The following COL24A1 variants were observed in gnomAD, a reference collection of about 807,000 sequenced individuals.
COL24A1 encodes the protein collagen alpha-1(XXIV) chain.
In COL24A1, 224 loss-of-function variants were observed where a neutral mutation model predicts 253.9. The ratio of observed to expected loss-of-function variants is 0.88; its 90% CI spans 0.79 to 0.99. The LOEUF (loss-of-function observed/expected upper bound fraction) is 0.99, where lower values mean the gene tolerates loss of function less well. Among genes scored for constraint, COL24A1 ranks in the 50% least tolerant of loss-of-function variants. The pLI, the probability that COL24A1 is intolerant of heterozygous loss-of-function variation, is 0.00. For missense variants in COL24A1, 2,131 were observed against 2,068.5 expected, an observed-to-expected ratio of 1.03 and a Z score of -0.59; for synonymous variants, 685 against 673.7, an observed-to-expected ratio of 1.02 and a Z score of -0.26.
intron 43 of COL24A1, among the ~76,000 whole-genome samples, chr1:85,831,618 C>T (rs913100812): frequency 1.3e-4 from 20 of 152,052 alleles, no homozygotes; most frequent in Non-Finnish European, 2.8e-4. Context: ...AGTGATGGAA[C>T]TTGTCAGATA....
At chr1:85,961,756 G>C (rs900947697) in intron 23 of COL24A1, among the ~76,000 whole-genome samples, 4 of 152,198 alleles carry the variant, frequency 2.6e-5, no homozygotes, top group Admixed American at 2.6e-4. Context: ...GGGGAAGCAA[G>C]CACAACTTCA....
At chr1:85,986,500 C>T (rs1028242777) in intron 20 of COL24A1, among the ~76,000 whole-genome samples, 3 of 151,802 alleles carry the variant, frequency 2.0e-5, no homozygotes, top group Non-Finnish European at 4.4e-5. Context: ...GAATGCTCTA[C>T]GTAATTTACT....
At chr1:86,055,919 G>A (rs753798415) in intron 10 of COL24A1, among the ~76,000 whole-genome samples, 2 of 151,952 alleles carry the variant, frequency 1.3e-5, no homozygotes, top group Non-Finnish European at 2.9e-5. Context: ...TCAGGAGTTC[G>A]AGACCAGCCT....
intron 5 of COL24A1, among the ~76,000 whole-genome samples, chr1:86,112,001 C>G (rs535906059): frequency 6.6e-6 from 1 of 152,100 alleles, no homozygotes; most frequent in Non-Finnish European, 1.5e-5. Flanking sequence ...CGCGAGGGTC[C>G]GTGGCTTCAT....
At chr1:86,115,061 A>G (rs574696822) in intron 4 of COL24A1, among the ~76,000 whole-genome samples, 8 of 152,346 alleles carry the variant, frequency 5.3e-5, no homozygotes, top group Admixed American at 4.6e-4. Context: ...TAATGTTACA[A>G]GTAGCACCAG....
intron 47 of COL24A1, among the ~76,000 whole-genome samples, chr1:85,812,802 C>CA (rs1293512432): frequency 6.6e-6 from 1 of 152,106 alleles, no homozygotes; most frequent in Non-Finnish European, 1.5e-5. Flanking sequence ...AGTGGTTGCT[C>CA]AATGGGCCCA....
In COL24A1 at chr1:86,120,537, C is replaced by A. The variant is rs967861776; in HGVS notation, c.1491+4308G>T. Among the ~76,000 whole-genome samples, 10 of 152,224 alleles carry A rather than the reference C, an allele frequency of 6.6e-5. No homozygotes were observed. The South Asian group carries it at 1.2e-3, about 19-fold the overall frequency. ...ATCTATGCAGCCAACAGACACATGA[C>A]AAAATGCTCATCATCACTGGTCATC... On this transcript the variant is annotated intron_variant, in intron 3 of 59. Transcript: ENST00000370571.
intron 2 of COL24A1, among the ~76,000 whole-genome samples, chr1:86,131,063 T>C (rs1030437621): frequency 4.6e-5 from 7 of 151,986 alleles, no homozygotes; most frequent in African/African-American, 1.4e-4. Flanking sequence ...CTTTATTTCC[T>C]TGAATATCTT....
chr1:85,995,547 T>C (rs1694703748), intron 19 of COL24A1, among the ~76,000 whole-genome samples: 1 of 152,044 alleles, frequency 6.6e-6, no homozygotes, highest in Non-Finnish European at 1.5e-5. Flanking sequence ...TAATCCATAG[T>C]GACAAAAAGC....
intron 20 of COL24A1, among the ~76,000 whole-genome samples, chr1:85,971,966 A>G (rs951156729): frequency 6.6e-6 from 1 of 152,202 alleles, no homozygotes; most frequent in Non-Finnish European, 1.5e-5. Flanking sequence ...ATACTAAAAA[A>G]GTATTTTGTT....
chr1:86,061,661 C>A (rs1701100324), intron 8 of COL24A1, among the ~76,000 whole-genome samples: 1 of 152,176 alleles, frequency 6.6e-6, no homozygotes, highest in Non-Finnish European at 1.5e-5. Flanking sequence ...TCAGCATAAT[C>A]TTTATATGGC....
intron 43 of COL24A1, among the ~76,000 whole-genome samples, chr1:85,835,919 G>A (rs915924212): frequency 2.0e-5 from 3 of 152,194 alleles, no homozygotes; most frequent in African/African-American, 7.2e-5. Context: ...AATGGCATGT[G>A]CAGAGAGGAC....
intron 19 of COL24A1, among the ~76,000 whole-genome samples, chr1:86,013,724 T>C (rs1385749467): frequency 6.6e-6 from 1 of 152,112 alleles, no homozygotes. Flanking sequence ...TAATCCCAGC[T>C]ACTTGGGAGG....
intron 8 of COL24A1, 27 bp downstream of exon 8, chr1:86,063,688 T>C (rs1701273532): frequency 1.3e-6 from 2 of 1,494,112 alleles, no homozygotes; most frequent in Admixed American, 2.1e-5. Context: ...TCACACATGA[T>C]ACAAGTCTTA....
At chr1:85,973,554 C>A (rs984714961) in intron 20 of COL24A1, among the ~76,000 whole-genome samples, 42 of 152,008 alleles carry the variant, frequency 2.8e-4, no homozygotes, top group African/African-American at 1.0e-3. Flanking sequence ...AAATTATAAA[C>A]AACTTCTGTT....
At chr1:86,011,014 A>T (rs1042104402) in intron 19 of COL24A1, among the ~76,000 whole-genome samples, 1 of 152,126 alleles carries the variant, frequency 6.6e-6, no homozygotes, top group African/African-American at 2.4e-5. Flanking sequence ...AAAGAATAAG[A>T]GGATGAGGAC....
rs539374495 is a variant in COL24A1 at position 85,793,101 on chromosome 1, T to C, written c.3952-6640A>G. 9.2e-5 allele frequency among the ~76,000 whole-genome samples: 14 copies of C among 152,294 alleles called. No homozygotes were observed. In the South Asian group the frequency reaches 2.7e-3, roughly 29 times the overall value. The stretch of plus-strand genomic sequence containing the variant: ...TTTTTTTCAAATAACATTTTCTTCA[T>C]ATTATGTCATCACATATTTTATTAT... On this transcript the variant is annotated intron_variant, in intron 47 of 59. Transcript: ENST00000370571.
intron 53 of COL24A1, among the ~76,000 whole-genome samples, chr1:85,767,542 G>A (rs970502964): frequency 2.0e-5 from 3 of 152,084 alleles, no homozygotes; most frequent in African/African-American, 7.2e-5. Context: ...AATTATAATG[G>A]AATCAAAGGA....
intron 32 of COL24A1, among the ~76,000 whole-genome samples, chr1:85,884,619 A>T (rs1197702248): frequency 1.3e-5 from 2 of 152,126 alleles, no homozygotes; most frequent in African/African-American, 4.8e-5. Flanking sequence ...CAAAGGCCAG[A>T]GGGGGCTGGA....
Sources: gnomAD v4.1 joint callset for allele counts (sites outside exome capture counted in the v4.1 genomes callset) on GRCh38, gnomAD v4.1.1 for gene constraint, MANE v1.5 for transcripts, NCBI Gene and HGNC (gene_info 2026-07-23, HGNC 2026-07-21) for gene names.